BAZ1B: variants seen among roughly 807,000 people sequenced by gnomAD.
BAZ1B encodes bromodomain adjacent to zinc finger domain 1B, also known as tyrosine-protein kinase BAZ1B.
A neutral mutation model predicts 153.8 loss-of-function variants in BAZ1B; 22 were observed. That is an observed-to-expected ratio of 0.14 (90% CI 0.10 to 0.20). BAZ1B has a LOEUF of 0.20. BAZ1B is among the 10% of genes least tolerant of loss of function. The probability of loss-of-function intolerance (pLI) is 1.00; values close to 1 mark genes in which losing one functional copy is unlikely to be tolerated. For missense variants in BAZ1B, 1,325 were observed against 1,799.3 expected, an observed-to-expected ratio of 0.74 and a Z score of 4.77; for synonymous variants, 676 against 633.4, an observed-to-expected ratio of 1.07 and a Z score of -1.01.
intron 12 of BAZ1B, among the ~76,000 whole-genome samples, chr7:73,462,303 T>C (rs1167984620): frequency 1.3e-5 from 2 of 152,216 alleles, no homozygotes; most frequent in Non-Finnish European, 2.9e-5. Context: ...CAAATATTAA[T>C]ATGTCTAGAA....
chr7:73,485,883 A>C (rs1052062260), intron 6 of BAZ1B, among the ~76,000 whole-genome samples: 1 of 152,214 alleles, frequency 6.6e-6, no homozygotes, highest in Non-Finnish European at 1.5e-5. Flanking sequence ...GTCTAAAATA[A>C]GAGCTCAAAC....
rs782013927 is a variant in BAZ1B, at chr7:73,477,501, C to T, written c.1960G>A (p.Val654Met). The T allele has an allele frequency of 6.2e-7, 1 of 1,614,064 alleles. No individual in the cohort carries two copies. The highest frequency in any genetic ancestry group is 1.3e-5 in the African/African-American group (1 of 74,916). Residue 654 changes from valine (V) to methionine (M), a missense_variant, in exon 7 of 20, where the codon GTG (valine) becomes ATG (methionine). Around this residue, in one of 9 missense-constraint regions of BAZ1B, gnomAD observed 154 missense variants for 266.3 expected, o/e 0.58. Transcript: ENST00000339594. The surrounding 1 kb of genome is among the most constrained non-coding windows in gnomAD (Gnocchi z 5.6). Reference sequence around the variant, plus strand: ...AGGGTCTGTAAGAGGATGACCAACACCCTGTTAAGGTATAAAAAGCCACCC... The same window carrying T: ...AGGGTCTGTAAGAGGATGACCAACATCCTGTTAAGGTATAAAAAGCCACCC... Reference protein sequence around the residue: ...DKGGFLYLNRVLVILLQTLLQ... With the variant: ...DKGGFLYLNRMLVILLQTLLQ...
chr7:73,518,200 G>C (rs1160225293), intron 1 of BAZ1B, among the ~76,000 whole-genome samples: 1 of 148,570 alleles, frequency 6.7e-6, no homozygotes, highest in African/African-American at 2.5e-5. Context: ...AGGAGATCAA[G>C]ACAATCCTGG....
chr7:73,497,107 G>A (rs1168727313), intron 4 of BAZ1B, among the ~76,000 whole-genome samples: 1 of 130,492 alleles, frequency 7.7e-6, no homozygotes, highest in Non-Finnish European at 1.6e-5. Flanking sequence ...GCTGGGTGTG[G>A]TGGTGCATGC....
intron 3 of BAZ1B, among the ~76,000 whole-genome samples, chr7:73,503,326 A>G (rs1790210749): frequency 6.6e-6 from 1 of 152,072 alleles, no homozygotes; most frequent in Non-Finnish European, 1.5e-5. Flanking sequence ...GAGTTTAAAC[A>G]TATTTTCATG....
intron 18 of BAZ1B, 53 bp from the exon 19 acceptor site, chr7:73,442,606 T>C: frequency 6.4e-7 from 1 of 1,564,036 alleles, no homozygotes; most frequent in Non-Finnish European, 8.7e-7. Context: ...GCAGTGCCCC[T>C]GCCACTGAGA....
chr7:73,469,329 G>A (rs1436656507), intron 9 of BAZ1B, among the ~76,000 whole-genome samples, 188 bp downstream of exon 9: 1 of 152,128 alleles, frequency 6.6e-6, no homozygotes. Context: ...TAGAACAAAG[G>A]TGGTAATCAA....
Position 73,465,532 on chromosome 7 carries a change from A to G in BAZ1B, c.2978T>C (p.Leu993Ser). Reference protein sequence around the residue: ...TPKQGQNLWFLCDSQKELDEL... With the variant: ...TPKQGQNLWFSCDSQKELDEL... Reference sequence around the variant, plus strand: ...ATCCAGCTCCTTTTGACTATCACATAAAAACCTGTAGGGGCAAAAGAGACC... The same window carrying G: ...ATCCAGCTCCTTTTGACTATCACATGAAAACCTGTAGGGGCAAAAGAGACC... Residue 993 changes from leucine to serine, a missense_variant, in exon 11 of 20, where the codon TTA becomes TCA. Physicochemically the swap from Leu to Ser is moderately radical, Grantham distance 145. Transcript: ENST00000339594. 2.5e-6 allele frequency: 4 copies of G among 1,604,610 alleles called. No homozygotes were observed. Among genetic ancestry groups the G allele is most frequent in the Non-Finnish European group, 3.4e-6 (4 of 1,175,314 alleles).
chr7:73,506,412 T>C (rs1354638557), intron 3 of BAZ1B, among the ~76,000 whole-genome samples: 2 of 150,744 alleles, frequency 1.3e-5, no homozygotes, highest in East Asian at 1.9e-4. Flanking sequence ...GGCAGGAGAA[T>C]GGCGTGAACC....
chr7:73,443,083 C>T (rs1342475395), intron 17 of BAZ1B, among the ~76,000 whole-genome samples: 4 of 152,172 alleles, frequency 2.6e-5, no homozygotes, highest in African/African-American at 7.2e-5. Context: ...CAGCGGGGGC[C>T]GCCTTTACCA....
intron 13 of BAZ1B, 77 bp downstream of exon 13, chr7:73,459,459 G>T: frequency 6.9e-7 from 1 of 1,451,258 alleles, no homozygotes; most frequent in Non-Finnish European, 9.3e-7. Flanking sequence ...CAGCTAAAAT[G>T]CATAGGGTTA....
At chr7:73,480,013 A>G (rs782610491) in intron 6 of BAZ1B, among the ~76,000 whole-genome samples, 7 of 151,648 alleles carry the variant, frequency 4.6e-5, no homozygotes, top group Non-Finnish European at 1.0e-4. Flanking sequence ...ACTAAAAATC[A>G]AAAAAATTAG....
intron 7 of BAZ1B, among the ~76,000 whole-genome samples, chr7:73,473,540 G>A (rs149480311): frequency 3.5e-3 from 535 of 152,144 alleles, no homozygotes; most frequent in Middle Eastern, 0.014. Context: ...GCGACAGAGC[G>A]ACGCTCTGTA....
At chr7:73,497,699 TAAAA>T (rs1315561316) in intron 4 of BAZ1B, among the ~76,000 whole-genome samples, 1 of 148,206 alleles carries the variant, frequency 6.7e-6, no homozygotes, top group Non-Finnish European at 1.5e-5. Flanking sequence ...TTAAGTGCCA[TAAAA>T]AAAAGAAAAA....
At chr7:73,474,984 T>C (rs1475934483) in intron 7 of BAZ1B, among the ~76,000 whole-genome samples, 1 of 152,194 alleles carries the variant, frequency 6.6e-6, no homozygotes, top group African/African-American at 2.4e-5. Context: ...TGGTTCAACA[T>C]CATTAGCCAT....
intron 1 of BAZ1B, among the ~76,000 whole-genome samples, chr7:73,515,743 T>C (rs541552019): frequency 6.6e-6 from 1 of 152,250 alleles, no homozygotes; most frequent in African/African-American, 2.4e-5. Context: ...TTTCATTCAC[T>C]GTTGTCCAGG....
At position 73,478,433 on chromosome 7, in the gene BAZ1B, T is replaced by C; in HGVS notation, c.1028A>G (p.Lys343Arg). ...NPKLWCHVHL[K>R]KSLSGSPLKV... ...GAGTGGCGAGCCACTCAATGACTTC[T>C]TCAAGTGTACGTGACACCATAACTT... The change falls in exon 7 of 20, where the codon AAG becomes AGG. Residue 343 changes from lysine to arginine, a missense_variant. Lys to Arg is a conservative substitution (Grantham distance 26). Around this residue, in one of 9 missense-constraint regions of BAZ1B, gnomAD observed 219 missense variants for 248.2 expected, o/e 0.88. Transcript: ENST00000339594. 6.2e-7 allele frequency: 1 copy of C among 1,613,230 alleles called. No homozygotes were observed. The highest frequency in any genetic ancestry group is 8.5e-7 in the Non-Finnish European group (1 of 1,179,662).
chr7:73,472,292 C>T (rs1387327463), intron 7 of BAZ1B, among the ~76,000 whole-genome samples: 2 of 150,608 alleles, frequency 1.3e-5, no homozygotes, highest in Non-Finnish European at 3.0e-5. Flanking sequence ...GAGTTTCTCT[C>T]GTGTTGTCCA....
At chr7:73,480,942 T>G (rs1158605957) in intron 6 of BAZ1B, among the ~76,000 whole-genome samples, 1 of 152,148 alleles carries the variant, frequency 6.6e-6, no homozygotes, top group African/African-American at 2.4e-5. Context: ...ATTTTTTATT[T>G]TTGAGATGGA....
Sources: gnomAD v4.1 joint callset for allele counts (sites outside exome capture counted in the v4.1 genomes callset) on GRCh38, gnomAD v4.1.1 for gene constraint, gnomAD v4.1.1 regional missense constraint, Gnocchi (gnomAD v3.1) non-coding constraint, MANE v1.5 for transcripts, NCBI Gene and HGNC (gene_info 2026-07-23, HGNC 2026-07-21) for gene names.